Variants in ARFGEF2 observed in about 807,000 individuals in gnomAD.
ARFGEF2 encodes the protein brefeldin A-inhibited guanine nucleotide-exchange protein 2.
ARFGEF2 carries 74 observed loss-of-function variants against 219.9 expected under a neutral mutation model. That is an observed-to-expected ratio of 0.34 (90% CI 0.28 to 0.41). ARFGEF2 has a LOEUF of 0.41. Ranked by LOEUF, ARFGEF2 falls within the 10% of genes least tolerant of loss-of-function variation. The pLI is 1.00. For synonymous variants in ARFGEF2, 733 were observed against 799.2 expected, an observed-to-expected ratio of 0.92 and a Z score of 1.40; for missense variants, 1,743 against 2,218.3, an observed-to-expected ratio of 0.79 and a Z score of 4.30.
intron 22 of ARFGEF2, among the ~76,000 whole-genome samples, chr20:48,995,448 G>C (rs1021434415): frequency 6.6e-6 from 1 of 152,156 alleles, no homozygotes; most frequent in Admixed American, 6.5e-5. Context: ...CAGCAGGTGT[G>C]AGCCATTAAT....
At chr20:48,923,640 G>A (rs1038949513) in intron 1 of ARFGEF2, among the ~76,000 whole-genome samples, 70 of 152,220 alleles carry the variant, frequency 4.6e-4, no homozygotes, top group African/African-American at 1.6e-3. Flanking sequence ...TTAGGCAAGA[G>A]CCTGGTATTT....
At chr20:48,988,122 G>C (rs2091336744) in intron 16 of ARFGEF2, among the ~76,000 whole-genome samples, 182 bp from the exon 17 acceptor site, 1 of 152,130 alleles carries the variant, frequency 6.6e-6, no homozygotes, top group South Asian at 2.1e-4. Flanking sequence ...TTGTTAATGA[G>C]CTTTTTCTAC....
chr20:49,008,268 G>A (rs2091475096), intron 26 of ARFGEF2, among the ~76,000 whole-genome samples: 1 of 152,152 alleles, frequency 6.6e-6, no homozygotes, highest in African/African-American at 2.4e-5. Flanking sequence ...TGTTAAAAAT[G>A]TTCACAATGT....
rs970506297 is a variant in ARFGEF2 at position 49,036,691 on chromosome 20, G to A, written c.*3492G>A. On this transcript the variant is annotated 3_prime_UTR_variant, in exon 39 of 39. Coordinates refer to ENST00000371917, the MANE Select transcript of ARFGEF2 (RefSeq NM_006420.3). ...TGGTACATCAATAAAATTTTAAAAAGTATAGCTGTTTCTAATGTGTAGTAA... is the reference window on the plus strand; with the variant it reads ...TGGTACATCAATAAAATTTTAAAAAATATAGCTGTTTCTAATGTGTAGTAA... 1.3e-5 allele frequency: 2 copies of A among 152,768 alleles called. No individual in the cohort carries two copies. Among genetic ancestry groups the A allele is most frequent in the African/African-American group, 2.4e-5 (1 of 41,440 alleles). 9.5% of individuals were successfully genotyped at this position (152,768 alleles called of 1,614,324 possible). A position where few individuals can be genotyped will look rare whatever the true frequency, so the allele number is the denominator to read the frequency against.
chr20:48,950,811 A>AATATAT (rs71184245), intron 3 of ARFGEF2, among the ~76,000 whole-genome samples: 41 of 64,504 alleles, frequency 6.4e-4, no homozygotes, highest in South Asian at 4.3e-3. Context: ...AAAAAAAAAA[A>AATATAT]ATATATATAT....
chr20:48,976,094 T>C lies in ARFGEF2; in HGVS notation c.1853T>C (p.Met618Thr). ...DMARRCSVTS[M>T]ESTVSSGTQT... Reference sequence around the variant, plus strand: ...GCAAGACGGTGTAGTGTGACGTCCATGGAGTCCACAGTGTCCTCGGGGACC... The same window carrying C: ...GCAAGACGGTGTAGTGTGACGTCCACGGAGTCCACAGTGTCCTCGGGGACC... Residue 618 changes from methionine (M) to threonine (T), a missense_variant, in exon 14 of 39, where the codon ATG becomes ACG. Met to Thr is a moderately conservative substitution (Grantham distance 81, BLOSUM62 -1). Transcript: ENST00000371917. 1 of 1,613,638 alleles carries C rather than the reference T, an allele frequency of 6.2e-7. No homozygotes were observed. The highest frequency in any genetic ancestry group is 8.5e-7 in the Non-Finnish European group (1 of 1,180,032).
At chr20:48,931,544 G>C (rs568039574) in intron 1 of ARFGEF2, among the ~76,000 whole-genome samples, 1 of 152,136 alleles carries the variant, frequency 6.6e-6, no homozygotes, top group Admixed American at 6.5e-5. Context: ...TAAAGTGAGA[G>C]AACAAACCAG....
chr20:48,975,984 A>G, intron 13 of ARFGEF2, 32 bp from the exon 14 acceptor site: 2 of 1,611,460 alleles, frequency 1.2e-6, no homozygotes, highest in South Asian at 2.2e-5. Flanking sequence ...CCACTTGCTT[A>G]TTTGGCTTCC....
chr20:48,977,099 G>T (rs555810258), intron 14 of ARFGEF2, among the ~76,000 whole-genome samples: 15 of 152,102 alleles, frequency 9.9e-5, no homozygotes, highest in Admixed American at 5.2e-4. Flanking sequence ...TTTACATTAG[G>T]TATTACTCCT....
At chr20:48,962,872 T>C (rs958605810) in intron 6 of ARFGEF2, among the ~76,000 whole-genome samples, 2 of 152,150 alleles carry the variant, frequency 1.3e-5, no homozygotes, top group African/African-American at 4.8e-5. Flanking sequence ...GGTTTTGCTT[T>C]TTTAAGGTGA....
chr20:49,014,035 G>A lies in ARFGEF2; in HGVS notation c.4179+75G>A, dbSNP rs2091516611. The stretch of plus-strand genomic sequence containing the variant: ...TTCTGGCCGGTATTTGCCTCTGGGG[G>A]CTGCATCATCGTCTACCCAGAGTTC... On this transcript the variant is annotated intron_variant, in intron 30 of 38. Coordinates refer to ENST00000371917, the MANE Select transcript of ARFGEF2 (RefSeq NM_006420.3). The A allele has an allele frequency of 1.1e-5, 18 of 1,589,676 alleles. No individual in the cohort carries two copies. In the South Asian group the frequency reaches 1.9e-4, roughly 17 times the overall value.
At position 49,028,668 on chromosome 20, in the gene ARFGEF2, C is replaced by T. The variant is rs145439001; in HGVS notation, c.5063C>T (p.Thr1688Ile). Residue 1688 changes from threonine (T) to isoleucine (I), a missense_variant and splice_region_variant, in exon 37 of 39, where the codon ACT (threonine) becomes ATT (isoleucine). Physicochemically the swap from Thr to Ile is moderately conservative, Grantham distance 89. Around this residue, in one of 5 missense-constraint regions of ARFGEF2, gnomAD observed 578 missense variants for 664.0 expected, o/e 0.87. Coordinates refer to ENST00000371917, the MANE Select transcript of ARFGEF2 (RefSeq NM_006420.3). ...SWEEIQQRLL[T>I]VCSEALAYFI... ...GAAGAAATACAGCAGAGACTTTTAACGTAAGAAAATTAGTTTCTGATTAGA... is the reference window on the plus strand; with the variant it reads ...GAAGAAATACAGCAGAGACTTTTAATGTAAGAAAATTAGTTTCTGATTAGA... 1.0e-4 allele frequency: 169 copies of T among 1,613,618 alleles called. No individual in the cohort carries two copies. In the Middle Eastern group the frequency reaches 2.6e-3, roughly 25 times the overall value.
chr20:48,967,200 C>T (rs1055550681), intron 8 of ARFGEF2, among the ~76,000 whole-genome samples: 5 of 152,118 alleles, frequency 3.3e-5, no homozygotes, highest in Admixed American at 1.3e-4. Flanking sequence ...ACAAGGGACT[C>T]GTGTTATATG....
At chr20:49,026,012 T>C (rs1016968653) in intron 36 of ARFGEF2, among the ~76,000 whole-genome samples, 4 of 145,576 alleles carry the variant, frequency 2.7e-5, no homozygotes, top group African/African-American at 1.0e-4. Context: ...AAATTGAAAG[T>C]TGGAGAATTG....
chr20:48,951,434 C>G lies in ARFGEF2; in HGVS notation c.388C>G (p.Gln130Glu). Residue 130 changes from glutamine (Q) to glutamate (E), a missense_variant, in exon 4 of 39, where the codon CAG becomes GAG. This residue lies in a region of ARFGEF2 where 394 missense variants were observed against 426.6 expected (regional missense o/e 0.92). Transcript: ENST00000371917. The part of the protein sequence containing the change: ...ETICSCFQGP[Q>E]TDEGVQLQII... ...CATTTGCAGTTGTTTTCAGGGCCCT[C>G]AGACTGATGAAGGGGTTCAGTTACA... 6.2e-7 allele frequency: 1 copy of G among 1,614,232 alleles called. No individual in the cohort carries two copies. Among genetic ancestry groups the G allele is most frequent in the African/African-American group, 1.3e-5 (1 of 75,054 alleles).
intron 30 of ARFGEF2, among the ~76,000 whole-genome samples, chr20:49,015,626 A>T (rs1462072354): frequency 6.6e-6 from 1 of 152,154 alleles, no homozygotes; most frequent in Non-Finnish European, 1.5e-5. Context: ...AAGCCTTTTG[A>T]TACGTACCAC....
intron 1 of ARFGEF2, among the ~76,000 whole-genome samples, chr20:48,935,353 T>C (rs1435650176): frequency 2.6e-5 from 4 of 152,118 alleles, no homozygotes; most frequent in Non-Finnish European, 4.4e-5. Flanking sequence ...GCACCGCCCT[T>C]AATCCATTCA....
chr20:49,017,566 T>C lies in ARFGEF2; in HGVS notation c.4509+16T>C. The C allele has an allele frequency of 6.2e-7, 1 of 1,613,788 alleles. No individual in the cohort carries two copies. Among genetic ancestry groups the C allele is most frequent in the African/African-American group, 1.3e-5 (1 of 75,052 alleles). On this transcript the variant is annotated intron_variant, in intron 33 of 38. Transcript: ENST00000371917. ...AAAGCATTTGGTAGGATTTGGGGTT[T>C]TTCTTTGGTTGTCTTTTCTTTTTTC...
rs562578259 is a variant in ARFGEF2 at position 49,029,020 on chromosome 20, A to G, written c.5063+352A>G. Among the ~76,000 whole-genome samples the G allele has an allele frequency of 2.6e-5, 4 of 152,334 alleles. No homozygotes were observed. In the South Asian group the frequency reaches 8.3e-4, roughly 32 times the overall value. On this transcript the variant is annotated intron_variant, in intron 37 of 38. Transcript: ENST00000371917. Reference sequence around the variant, plus strand: ...TAGGCAGGTTACTATCCCTCTTGGGACCAGGTCCTCTTTAGAATTGTTGTC... The same window carrying G: ...TAGGCAGGTTACTATCCCTCTTGGGGCCAGGTCCTCTTTAGAATTGTTGTC...
Sources: gnomAD v4.1 joint callset for allele counts (sites outside exome capture counted in the v4.1 genomes callset) on GRCh38, gnomAD v4.1.1 for gene constraint, gnomAD v4.1.1 regional missense constraint, MANE v1.5 for transcripts, NCBI Gene and HGNC (gene_info 2026-07-23, HGNC 2026-07-21) for gene names.